Variants in FASTK observed in about 807,000 individuals in gnomAD.
FASTK encodes the protein Fas activated serine/threonine kinase, also known as fas-activated serine/threonine kinase.
FASTK carries 28 observed loss-of-function variants against 60.0 expected under a neutral mutation model. That is an observed-to-expected ratio of 0.47 (90% CI 0.35 to 0.64). The LOEUF (loss-of-function observed/expected upper bound fraction) is 0.64, where lower values mean the gene tolerates loss of function less well. FASTK is among the 30% of genes least tolerant of loss of function. FASTK has a pLI of 0.01. For synonymous variants in FASTK, 325 were observed against 307.9 expected (o/e 1.06, Z -0.58); for missense variants, 595 against 713.8 (o/e 0.83, Z 1.90).
intron 6 of FASTK, 22 bp from the exon 7 acceptor site, chr7:151,077,423 A>G (rs1585007180): frequency 6.2e-7 from 1 of 1,607,790 alleles, no homozygotes; most frequent in Non-Finnish European, 8.5e-7. Context: ...GGACACCAGT[A>G]GCAGGAAGGG....
chr7:151,076,691 A>T lies in FASTK; in HGVS notation c.*34T>A, dbSNP rs377382637. 13 of 1,380,196 alleles carry T rather than the reference A, an allele frequency of 9.4e-6. No individual in the cohort carries two copies. Among genetic ancestry groups the T allele is most frequent in the Non-Finnish European group, 1.3e-5 (13 of 1,013,598 alleles). The allele number at this position is 1,380,196 out of a possible 1,614,324, so 85.5% of individuals were successfully genotyped here. On this transcript the variant is annotated 3_prime_UTR_variant, in exon 10 of 10. Transcript: ENST00000297532. ...CCAAAGTGCAAATCATCCACCCCCCATGGGGGGGCCATCCTGAACCCCACA... is the reference window on the plus strand; with the variant it reads ...CCAAAGTGCAAATCATCCACCCCCCTTGGGGGGGCCATCCTGAACCCCACA...
intron 5 of FASTK, 49 bp from the exon 6 acceptor site, chr7:151,077,829 C>G: frequency 6.3e-7 from 1 of 1,596,726 alleles, no homozygotes; most frequent in Non-Finnish European, 8.6e-7. Flanking sequence ...CACCCTGCTC[C>G]CCTGCCTCTC....
chr7:151,079,102 A>C, intron 2 of FASTK, 81 bp from the exon 3 acceptor site: 11 of 1,251,876 alleles, frequency 8.8e-6, no homozygotes, highest in Non-Finnish European at 1.2e-5. Context: ...TGAATTCTCC[A>C]CCTTTCTCCT....
rs1289859843 is a variant in FASTK at position 151,078,722 on chromosome 7, C to T, written c.686-21G>A. ...TGCCTCTGTGAAGAGCAGCCTGTCA[C>T]GCTGGGCCTCAGCCGGACCTCCGGC... On this transcript the variant is annotated intron_variant, in intron 3 of 9. Transcript: ENST00000297532. The T allele has an allele frequency of 5.0e-6, 8 of 1,612,228 alleles. No individual in the cohort carries two copies. In the African/African-American group the frequency reaches 6.7e-5, roughly 13 times the overall value.
chr7:151,078,482 G>A lies in FASTK; in HGVS notation c.825+80C>T, dbSNP rs1797793250. The A allele has an allele frequency of 6.0e-6, 9 of 1,496,974 alleles. 1 individual carries two copies. In the South Asian group the frequency reaches 9.4e-5, roughly 16 times the overall value. 92.7% of individuals were successfully genotyped at this position (1,496,974 alleles called of 1,614,324 possible). A position where few individuals can be genotyped will look rare whatever the true frequency, so the allele number is the denominator to read the frequency against. ...GTGTGTCTGCTTCAGGAAAAGGATA[G>A]CCGAGCTGCACGAGGCGCTGGGCCT... is the stretch of plus-strand genomic sequence containing the variant. On this transcript the variant is annotated intron_variant, in intron 4 of 9. Transcript: ENST00000297532.
rs780756115 is a variant in FASTK, at chr7:151,076,700, C to G, written c.*25G>C. On this transcript the variant is annotated 3_prime_UTR_variant, in exon 10 of 10. Coordinates refer to ENST00000297532, the MANE Select transcript of FASTK (RefSeq NM_006712.5). Reference sequence around the variant, plus strand: ...AAATCATCCACCCCCCATGGGGGGGCCATCCTGAACCCCACATCAACCCCT... The same window carrying G: ...AAATCATCCACCCCCCATGGGGGGGGCATCCTGAACCCCACATCAACCCCT... The G allele has an allele frequency of 7.0e-7, 1 of 1,431,578 alleles. No homozygotes were observed. The highest frequency in any genetic ancestry group is 9.5e-7 in the Non-Finnish European group (1 of 1,056,032). The allele number at this position is 1,431,578 out of a possible 1,614,324, so 88.7% of individuals were successfully genotyped here.
chr7:151,079,012 G>T lies in FASTK; in HGVS notation c.515C>A (p.Ser172Tyr). Reference protein sequence around the residue: ...LHLAVLLGFPSDGPLVCALEQ... With the variant: ...LHLAVLLGFPYDGPLVCALEQ... Reference sequence around the variant, plus strand: ...CAGGGCACACACCAGGGGACCATCAGATGGAAAGCCTGAGGGGGAGAGGTA... The same window carrying T: ...CAGGGCACACACCAGGGGACCATCATATGGAAAGCCTGAGGGGGAGAGGTA... The change falls in exon 3 of 10, where the codon TCT (serine) becomes TAT (tyrosine). Residue 172 changes from serine (S) to tyrosine (Y), a missense_variant. Physicochemically the swap from Ser to Tyr is moderately radical, Grantham distance 144 (BLOSUM62 -2). Around this residue, in one of 2 missense-constraint regions of FASTK, gnomAD observed 471 missense variants for 605.9 expected, o/e 0.78. Coordinates refer to ENST00000297532, the MANE Select transcript of FASTK (RefSeq NM_006712.5). 1 of 1,480,372 alleles carries T rather than the reference G, an allele frequency of 6.8e-7. No individual in the cohort carries two copies. Among genetic ancestry groups the T allele is most frequent in the Non-Finnish European group, 9.0e-7 (1 of 1,116,520 alleles). The allele number at this position is 1,480,372 out of a possible 1,614,324, so 91.7% of individuals were successfully genotyped here.
chr7:151,079,081 G>C, intron 2 of FASTK, 60 bp from the exon 3 acceptor site: 9 of 1,368,988 alleles, frequency 6.6e-6, no homozygotes, highest in Non-Finnish European at 8.6e-6. Context: ...TCTTATCATG[G>C]GGTTACTTGG....
chr7:151,076,890 C>T lies in FASTK; in HGVS notation c.1542+23G>A, dbSNP rs368509732. 1.1e-4 allele frequency: 171 copies of T among 1,598,964 alleles called. No homozygotes were observed. The African/African-American group carries it at 1.2e-3, about 11-fold the overall frequency. ...GCAGGCTGGGAGTGAGGATGCGCCA[C>T]GGGCCAGGCCAGGGCCACTCACCGG... On this transcript the variant is annotated intron_variant, in intron 9 of 9. Transcript: ENST00000297532.
rs1469083937 is a variant in FASTK at position 151,076,827 on chromosome 7, G to C, written c.1548C>G (p.Pro516=). The part of the protein sequence containing the change: ...GLMGYQLLPL[P]FEELESQRGL... ...CTCTCTGGGACTCCAGTTCCTCGAAGGGTAGCTGTGGGGAGAGGAGAGGGC... is the reference window on the plus strand; with the variant it reads ...CTCTCTGGGACTCCAGTTCCTCGAACGGTAGCTGTGGGGAGAGGAGAGGGC... The change falls in exon 10 of 10, where the codon CCC becomes CCG. Residue 516 remains proline (P), a synonymous_variant. Transcript: ENST00000297532. 6.2e-7 allele frequency: 1 copy of C among 1,609,710 alleles called. No homozygotes were observed. Among genetic ancestry groups the C allele is most frequent in the African/African-American group, 1.3e-5 (1 of 74,878 alleles).
At chr7:151,078,478 G>A in intron 4 of FASTK, 84 bp downstream of exon 4, 1 of 1,475,600 alleles carries the variant, frequency 6.8e-7, no homozygotes, top group Non-Finnish European at 9.3e-7. Context: ...TCAGGAAAAG[G>A]ATAGCCGAGC....
At chr7:151,080,311 G>A (rs1016884248) in intron 1 of FASTK, 2 of 433,268 alleles carry the variant, frequency 4.6e-6, no homozygotes, top group Non-Finnish European at 7.4e-6. Flanking sequence ...CTGGAGCCCA[G>A]GCGGCACCGG....
chr7:151,079,145 G>A, intron 2 of FASTK, 124 bp from the exon 3 acceptor site: 1 of 871,860 alleles, frequency 1.1e-6, no homozygotes, highest in Non-Finnish European at 1.7e-6. Context: ...GTGTGCTAGA[G>A]TTTAAGTGCA....
Position 151,077,380 on chromosome 7 carries a change from C to T in FASTK, c.1221G>A (p.Glu407=), listed in dbSNP as rs140296804. Reference sequence around the variant, plus strand: ...CCTCCCCCAGCAGCTGGCGCAACCCCTCAGCTACTATGTCCTTGTGACTGA... The same window carrying T: ...CCTCCCCCAGCAGCTGGCGCAACCCTTCAGCTACTATGTCCTTGTGACTGA... ...CKYSHKDIVA[E]GLRQLLGEEK... The change falls in exon 7 of 10, where the codon GAG becomes GAA. Residue 407 remains glutamate (E), a synonymous_variant. Coordinates refer to ENST00000297532, the MANE Select transcript of FASTK (RefSeq NM_006712.5). 5.8e-5 allele frequency: 93 copies of T among 1,612,722 alleles called. No homozygotes were observed. Among genetic ancestry groups the T allele is most frequent in the Non-Finnish European group, 7.4e-5 (87 of 1,180,020 alleles).
chr7:151,078,456 G>T, intron 4 of FASTK, 106 bp downstream of exon 4: 1 of 1,266,948 alleles, frequency 7.9e-7, no homozygotes. Context: ...GGACAGAGAG[G>T]GTGTGTCTGC....
chr7:151,079,910 G>C lies in FASTK; in HGVS notation c.95C>G (p.Pro32Arg), dbSNP rs777901826. ...AGPGESWSPS[P>R]NSMLRVLLSA... The stretch of plus-strand genomic sequence containing the variant: ...GAGCAGGACTCGAAGCATGGAGTTG[G>C]GTGATGGAGACCCTGAGGGGCAGCC... The change falls in exon 2 of 10, where the codon CCC (proline) becomes CGC (arginine). Residue 32 changes from proline (P) to arginine (R), a missense_variant. Pro to Arg is a moderately radical substitution (Grantham distance 103). This residue lies in a region of FASTK where 124 missense variants were observed against 107.9 expected (regional missense o/e 1.15). Coordinates refer to ENST00000297532, the MANE Select transcript of FASTK (RefSeq NM_006712.5). 1.3e-6 allele frequency: 2 copies of C among 1,588,928 alleles called. No homozygotes were observed. The highest frequency in any genetic ancestry group is 2.3e-5 in the South Asian group (2 of 88,832).
At position 151,078,022 on chromosome 7, in the gene FASTK, C is replaced by A. The variant is rs1563378517; in HGVS notation, c.896G>T (p.Cys299Phe). The A allele has an allele frequency of 1.2e-6, 2 of 1,610,512 alleles. No homozygotes were observed. Among genetic ancestry groups the A allele is most frequent in the African/African-American group, 1.3e-5 (1 of 75,008 alleles). The change falls in exon 5 of 10, where the codon TGC becomes TTC. Residue 299 changes from cysteine to phenylalanine, a missense_variant. Physicochemically the swap from Cys to Phe is radical, Grantham distance 205. Transcript: ENST00000297532. Reference sequence around the variant, plus strand: ...TTCCCGAGCCAGGATCCTCTCAAGGCAGGGCATAAACTGCTGTTCCAGGGG... The same window carrying A: ...TTCCCGAGCCAGGATCCTCTCAAGGAAGGGCATAAACTGCTGTTCCAGGGG... The part of the protein sequence containing the change: ...YLPLEQQFMP[C>F]LERILAREAG...
chr7:151,077,300 C>T lies in FASTK; in HGVS notation c.1291+10G>A, dbSNP rs1797716370. 1 of 1,612,918 alleles carries T rather than the reference C, an allele frequency of 6.2e-7. No homozygotes were observed. Among genetic ancestry groups the T allele is most frequent in the South Asian group, 1.1e-5 (1 of 91,080 alleles). On this transcript the variant is annotated intron_variant, in intron 7 of 9. Coordinates refer to ENST00000297532, the MANE Select transcript of FASTK (RefSeq NM_006712.5). ...CGTCTCCCCGGGCCTGCCGCCTGCC[C>T]CTTGCTCACCTGTGCAGTAGCCTGG...
chr7:151,079,214 A>G (rs1797842914), intron 2 of FASTK, 193 bp from the exon 3 acceptor site: 1 of 591,782 alleles, frequency 1.7e-6, no homozygotes, highest in Admixed American at 3.6e-5. Context: ...GTTTGTAGGG[A>G]GTACATACAA....
Sources: allele counts gnomAD v4.1 joint callset, GRCh38; gene constraint gnomAD v4.1.1; regional missense constraint gnomAD v4.1.1; transcripts MANE v1.5; gene names NCBI Gene and HGNC (gene_info 2026-07-23, HGNC 2026-07-21).